SARNP: variants seen among roughly 807,000 people sequenced by gnomAD.
SARNP encodes the protein SAP domain containing ribonucleoprotein.
Under a neutral mutation model 38.1 loss-of-function variants are expected in SARNP, and 5 were observed. The ratio of observed to expected loss-of-function variants is 0.13; its 90% CI spans 0.07 to 0.28. SARNP has a LOEUF of 0.28. Among genes scored for constraint, SARNP ranks in the 10% least tolerant of loss-of-function variants. The pLI, the probability that SARNP is intolerant of heterozygous loss-of-function variation, is 1.00. For missense variants in SARNP, 180 were observed against 243.9 expected, an observed-to-expected ratio of 0.74 and a Z score of 1.75; for synonymous variants, 84 against 80.6, an observed-to-expected ratio of 1.04 and a Z score of -0.23.
chr12:55,816,791 T>G (rs1880501818), intron 1 of SARNP, among the ~76,000 whole-genome samples: 1 of 152,170 alleles, frequency 6.6e-6, no homozygotes, highest in Non-Finnish European at 1.5e-5. Flanking sequence ...TTTTAACTTT[T>G]TTATATATCT....
chr12:55,812,926 A>G (rs1880370414), intron 1 of SARNP, among the ~76,000 whole-genome samples: 1 of 152,120 alleles, frequency 6.6e-6, no homozygotes, highest in African/African-American at 2.4e-5. Context: ...GAACAAACCA[A>G]TCAATGATCA....
intron 1 of SARNP, among the ~76,000 whole-genome samples, chr12:55,815,287 T>C (rs1592586929): frequency 6.6e-6 from 1 of 152,192 alleles, no homozygotes; most frequent in Non-Finnish European, 1.5e-5. Context: ...CTCAAACTCC[T>C]GGCCTCCGCC....
At chr12:55,784,198 T>C (rs1879422129) in intron 9 of SARNP, among the ~76,000 whole-genome samples, 1 of 152,170 alleles carries the variant, frequency 6.6e-6, no homozygotes, top group African/African-American at 2.4e-5. Context: ...TCTAACTGAA[T>C]AAAATCTGTG....
intron 9 of SARNP, among the ~76,000 whole-genome samples, chr12:55,773,278 C>A (rs1879065887): frequency 6.6e-6 from 1 of 152,170 alleles, no homozygotes; most frequent in Admixed American, 6.6e-5. Context: ...GGGCCAATTT[C>A]AAGTAGCTTT....
intron 9 of SARNP, among the ~76,000 whole-genome samples, chr12:55,780,404 A>G (rs919009101): frequency 6.6e-6 from 1 of 151,316 alleles, no homozygotes; most frequent in Non-Finnish European, 1.5e-5. Flanking sequence ...CAGTGAGCTC[A>G]GATTGCGCCA....
chr12:55,757,922 A>G (rs1261956588), intron 10 of SARNP, among the ~76,000 whole-genome samples: 1 of 152,162 alleles, frequency 6.6e-6, no homozygotes, highest in Admixed American at 6.5e-5. Flanking sequence ...TCTTCCAGTC[A>G]ATGGGGAGAC....
intron 9 of SARNP, among the ~76,000 whole-genome samples, chr12:55,768,678 G>A (rs1045285653): frequency 2.6e-5 from 4 of 151,420 alleles, no homozygotes; most frequent in Admixed American, 2.0e-4. Context: ...TCCACCCGCC[G>A]CAGCCTCCCA....
chr12:55,781,954 T>C (rs1027418330), intron 9 of SARNP, among the ~76,000 whole-genome samples: 3 of 152,150 alleles, frequency 2.0e-5, no homozygotes, highest in Non-Finnish European at 4.4e-5. Flanking sequence ...GGGATCAAAC[T>C]CCTAAAGTAC....
chr12:55,800,523 G>T, intron 4 of SARNP, 39 bp downstream of exon 4: 1 of 1,318,484 alleles, frequency 7.6e-7, no homozygotes. Context: ...GAAAAGAGCT[G>T]CCTGCTCTGT....
At chr12:55,808,703 ATGAACTG>A (rs765597343) in intron 1 of SARNP, among the ~76,000 whole-genome samples, 101 of 152,106 alleles carry the variant, frequency 6.6e-4, no homozygotes, top group Middle Eastern at 3.4e-3. Flanking sequence ...CAAGGCTGCT[ATGAACTG>A]TGATCACACC....
chr12:55,753,383 G>C (rs893438669), downstream of SARNP: 4 of 152,144 alleles, frequency 2.6e-5, no homozygotes, highest in African/African-American at 9.7e-5. Context: ...TCAGTTCACT[G>C]TAAAAATTTT....
chr12:55,766,326 C>T (rs993367424), intron 9 of SARNP, among the ~76,000 whole-genome samples: 2 of 151,936 alleles, frequency 1.3e-5, no homozygotes, highest in Non-Finnish European at 2.9e-5. Context: ...CAATTTGCAC[C>T]CAAAATCAAG....
At chr12:55,800,256 A>G (rs1422372504) in intron 4 of SARNP, among the ~76,000 whole-genome samples, 1 of 152,160 alleles carries the variant, frequency 6.6e-6, no homozygotes, top group Non-Finnish European at 1.5e-5. Context: ...CAGATTCTCT[A>G]TAGAGTAACA....
chr12:55,797,113 T>C (rs1010792126), intron 4 of SARNP, among the ~76,000 whole-genome samples: 2 of 152,206 alleles, frequency 1.3e-5, no homozygotes, highest in African/African-American at 4.8e-5. Flanking sequence ...TTTAGAGACA[T>C]GGGCAGCTTT....
At chr12:55,801,008 T>A in intron 2 of SARNP, 108 bp from the exon 3 acceptor site, 1 of 884,108 alleles carries the variant, frequency 1.1e-6, no homozygotes, top group Non-Finnish European at 1.9e-6. Context: ...AATCCAACAG[T>A]GAAGGCAGAA....
intron 4 of SARNP, among the ~76,000 whole-genome samples, chr12:55,799,962 G>A (rs1879931364): frequency 6.6e-6 from 1 of 151,820 alleles, no homozygotes; most frequent in Admixed American, 6.6e-5. Context: ...CGCCAAGGCA[G>A]ACGGATCATT....
In SARNP at chr12:55,807,749, G is replaced by C. The variant is rs541587491; in HGVS notation, c.37-4021C>G. Among the ~76,000 whole-genome samples, 5 of 150,962 alleles carry C rather than the reference G, an allele frequency of 3.3e-5. 1 individual carries two copies. Among genetic ancestry groups the C allele is most frequent in the African/African-American group, 1.2e-4 (5 of 41,148 alleles). On this transcript the variant is annotated intron_variant, in intron 1 of 10. Coordinates refer to ENST00000336133, the MANE Select transcript of SARNP (RefSeq NM_033082.4). The stretch of plus-strand genomic sequence containing the variant: ...GAACGGCGTGAACCCGGGAGGCGGA[G>C]CTTGCAGTGAGCCGAGATCGTGCCA...
chr12:55,778,992 AAAC>A (rs1198876484), intron 9 of SARNP, among the ~76,000 whole-genome samples: 1 of 152,152 alleles, frequency 6.6e-6, no homozygotes, highest in East Asian at 1.9e-4. Flanking sequence ...AAACAAAACA[AAAC>A]AAAACAAAAC....
At chr12:55,809,101 G>A (rs1321010560) in intron 1 of SARNP, among the ~76,000 whole-genome samples, 3 of 152,102 alleles carry the variant, frequency 2.0e-5, no homozygotes, top group Non-Finnish European at 4.4e-5. Context: ...AGCTACTTGA[G>A]GGGCTAAAGC....
Sources: allele counts gnomAD v4.1 joint callset (sites outside exome capture counted in the v4.1 genomes callset), GRCh38; gene constraint gnomAD v4.1.1; transcripts MANE v1.5; gene names NCBI Gene and HGNC (gene_info 2026-07-23, HGNC 2026-07-21).